HSPA4L: variants seen among roughly 807,000 people sequenced by gnomAD.
HSPA4L encodes heat shock 70 kDa protein 4L.
HSPA4L carries 48 observed loss-of-function variants against 100.3 expected under a neutral mutation model. The ratio of observed to expected loss-of-function variants is 0.48; its 90% confidence interval spans 0.38 to 0.61. The LOEUF (loss-of-function observed/expected upper bound fraction) is 0.61, where lower values mean the gene tolerates loss of function less well. Ranked by LOEUF, HSPA4L falls within the 20% of genes least tolerant of loss-of-function variation. The pLI is 0.00. For synonymous variants in HSPA4L, 319 were observed against 328.2 expected (o/e 0.97, Z 0.30); for missense variants, 886 against 988.6 (o/e 0.90, Z 1.39).
At chr4:127,809,421 G>A in intron 11 of HSPA4L, 1 of 1,254,458 alleles carries the variant, frequency 8.0e-7, no homozygotes, top group Non-Finnish European at 1.2e-6. Flanking sequence ...CATAACTCAA[G>A]ACTCTGCATT....
At chr4:127,798,500 T>G (rs1200504928) in intron 3 of HSPA4L, 87 bp from the exon 4 acceptor site, 2 of 1,292,668 alleles carry the variant, frequency 1.5e-6, no homozygotes, top group South Asian at 1.3e-5. Context: ...TCCCATTGTA[T>G]GTCTATCACA....
intron 2 of HSPA4L, among the ~76,000 whole-genome samples, chr4:127,795,068 A>ATGG (rs373747145): frequency 8.8e-4 from 134 of 152,240 alleles, no homozygotes; most frequent in African/African-American, 3.1e-3. Flanking sequence ...ATCTGCAGCA[A>ATGG]TGGAAGCAAC....
intron 6 of HSPA4L, 125 bp from the exon 7 acceptor site, chr4:127,803,504 T>C: frequency 1.2e-6 from 1 of 869,036 alleles, no homozygotes; most frequent in Non-Finnish European, 1.7e-6. Context: ...TCAGCACCCC[T>C]GTGATTGGAC....
chr4:127,812,365 C>G (rs1374075756), intron 12 of HSPA4L, among the ~76,000 whole-genome samples: 1 of 148,190 alleles, frequency 6.7e-6, no homozygotes, highest in Non-Finnish European at 1.5e-5. Flanking sequence ...GCCGAGATCG[C>G]ACCACTGCAC....
Position 127,795,831 on chromosome 4 carries a change from G to C in HSPA4L, c.229G>C (p.Asp77His), listed in dbSNP as rs1453470880. Reference protein sequence around the residue: ...FKKLHGRSFDDPIVQTERIRL... With the variant: ...FKKLHGRSFDHPIVQTERIRL... ...AAAGCTTCATGGGCGATCATTTGATGATCCCATTGTGCAAACTGAAAGGAT... is the reference window on the plus strand; with the variant it reads ...AAAGCTTCATGGGCGATCATTTGATCATCCCATTGTGCAAACTGAAAGGAT... The change falls in exon 3 of 19, where the codon GAT (aspartate) becomes CAT (histidine). Residue 77 changes from aspartate (D) to histidine (H), a missense_variant. By Grantham distance (81) the Asp-to-His change is moderately conservative (BLOSUM62 -1). Transcript: ENST00000296464. 2 of 1,613,602 alleles carry C rather than the reference G, an allele frequency of 1.2e-6. No homozygotes were observed. Among genetic ancestry groups the C allele is most frequent in the Admixed American group, 3.3e-5 (2 of 59,998 alleles).
chr4:127,791,214 A>G (rs1732866118), intron 1 of HSPA4L, among the ~76,000 whole-genome samples: 1 of 152,204 alleles, frequency 6.6e-6, no homozygotes, highest in Non-Finnish European at 1.5e-5. Flanking sequence ...TGTAATCAAT[A>G]TTTTTAAATT....
At chr4:127,831,259 G>A (rs7684389) in intron 18 of HSPA4L, among the ~76,000 whole-genome samples, 39 of 152,122 alleles carry the variant, frequency 2.6e-4, no homozygotes, top group Non-Finnish European at 4.3e-4. Context: ...CAGCACTTTG[G>A]GGGGGTTGAG....
chr4:127,782,106 C>A (rs1365004260), upstream of HSPA4L: 3 of 455,496 alleles, frequency 6.6e-6, no homozygotes, highest in Non-Finnish European at 8.8e-6. Flanking sequence ...CGCCTTCCCG[C>A]TTCTCCCGCC....
chr4:127,818,465 T>A (rs754414901), intron 13 of HSPA4L, 45 bp downstream of exon 13: 1 of 1,204,912 alleles, frequency 8.3e-7, no homozygotes, highest in South Asian at 1.4e-5. Flanking sequence ...GAAATTGATA[T>A]TTTGAATTAT....
At chr4:127,795,740 G>A (rs760761507) in intron 2 of HSPA4L, 28 bp from the exon 3 acceptor site, 29 of 1,608,502 alleles carry the variant, frequency 1.8e-5, no homozygotes, top group Admixed American at 3.4e-5. Context: ...TTAGGTAACT[G>A]ATAAATACAA....
intron 12 of HSPA4L, among the ~76,000 whole-genome samples, chr4:127,815,986 G>A (rs1363666841): frequency 1.3e-5 from 2 of 152,118 alleles, no homozygotes; most frequent in Non-Finnish European, 2.9e-5. Flanking sequence ...CTTCTTTTTC[G>A]TTGTTGTAAC....
intron 18 of HSPA4L, among the ~76,000 whole-genome samples, chr4:127,831,958 T>G (rs1198657502): frequency 6.6e-6 from 1 of 152,080 alleles, no homozygotes; most frequent in Non-Finnish European, 1.5e-5. Context: ...TATATTTTAC[T>G]CCTAATGAGA....
chr4:127,783,181 CT>C (rs11301869), intron 1 of HSPA4L, among the ~76,000 whole-genome samples: 76,080 of 145,922 alleles, frequency 0.52, 21,674 homozygotes, highest in Middle Eastern at 0.76. Flanking sequence ...CCCCGAAAGC[CT>C]TTTTTTTTTT....
intron 5 of HSPA4L, 85 bp from the exon 6 acceptor site, chr4:127,801,700 A>G (rs780043850): frequency 1.1e-5 from 12 of 1,087,252 alleles, no homozygotes; most frequent in Non-Finnish European, 1.6e-5. Context: ...TATACTGCAT[A>G]TTAAAGTACA....
intron 16 of HSPA4L, among the ~76,000 whole-genome samples, chr4:127,825,485 G>A (rs1160074992): frequency 6.6e-6 from 1 of 152,144 alleles, no homozygotes; most frequent in Non-Finnish European, 1.5e-5. Flanking sequence ...CAACTTAAAA[G>A]TAAAAGAAGT....
rs1368628516 is a variant in HSPA4L, at chr4:127,782,462, GTCGC to G, written c.-88_-85del. ...CCCCTCTCGTTTGCTTCTGGTAGGA[GTCGC>G]AATCCCAGCAGCAATAGCCCAGAAG... On this transcript the variant is annotated 5_prime_UTR_variant, in exon 1 of 19. Coordinates refer to ENST00000296464, the MANE Select transcript of HSPA4L (RefSeq NM_014278.4). 1 of 1,066,768 alleles carries G rather than the reference GTCGC, an allele frequency of 9.4e-7. No individual in the cohort carries two copies. The highest frequency in any genetic ancestry group is 1.4e-6 in the Non-Finnish European group (1 of 696,364). The allele number at this position is 1,066,768 out of a possible 1,614,324, so 66.1% of individuals were successfully genotyped here. A position where few individuals can be genotyped will look rare whatever the true frequency, so the allele number is the denominator to read the frequency against.
At chr4:127,825,926 C>CA (rs78623521) in intron 16 of HSPA4L, among the ~76,000 whole-genome samples, 1,483 of 56,732 alleles carry the variant, frequency 0.026, 17 homozygotes, top group South Asian at 0.06. Flanking sequence ...AACTCCATCT[C>CA]AAAAAAAAAA....
In HSPA4L at chr4:127,822,617, T is replaced by C. The variant is rs1194000765; in HGVS notation, c.1813-152T>C. On this transcript the variant is annotated intron_variant, in intron 14 of 18. Coordinates refer to ENST00000296464, the MANE Select transcript of HSPA4L (RefSeq NM_014278.4). ...CAGCATTTTACATTCCTCTCAGCAA[T>C]GTACAAGGGTTTCACTTTCTCCACA... is the stretch of plus-strand genomic sequence containing the variant. 3 of 649,330 alleles carry C rather than the reference T, an allele frequency of 4.6e-6. No individual in the cohort carries two copies. The African/African-American group carries it at 5.6e-5, about 12-fold the overall frequency. 40.2% of individuals were successfully genotyped at this position (649,330 alleles called of 1,614,324 possible).
At chr4:127,829,800 G>C (rs1280359816) in intron 17 of HSPA4L, among the ~76,000 whole-genome samples, 1 of 151,756 alleles carries the variant, frequency 6.6e-6, no homozygotes, top group Admixed American at 6.6e-5. Flanking sequence ...CATATGGGTA[G>C]AGAGATGAAT....
Sources: gnomAD v4.1 joint callset for allele counts (sites outside exome capture counted in the v4.1 genomes callset) on GRCh38, gnomAD v4.1.1 for gene constraint, MANE v1.5 for transcripts, NCBI Gene and HGNC (gene_info 2026-07-23, HGNC 2026-07-21) for gene names.